The following ABCA1 variants were observed in gnomAD, a reference collection of about 807,000 sequenced individuals.
The protein encoded by ABCA1 is phospholipid-transporting ATPase ABCA1.
In ABCA1, 133 loss-of-function variants were observed where a neutral mutation model predicts 262.5. That is an observed-to-expected ratio of 0.51 (90% CI 0.44 to 0.59). The LOEUF (loss-of-function observed/expected upper bound fraction) is 0.59, where lower values mean the gene tolerates loss of function less well. ABCA1 is among the 20% of genes least tolerant of loss of function. The pLI, the probability that ABCA1 is intolerant of heterozygous loss-of-function variation, is 0.00. For missense variants in ABCA1, 2,452 were observed against 2,777.5 expected, an observed-to-expected ratio of 0.88 and a Z score of 2.63; for synonymous variants, 1,022 against 1,043.5, an observed-to-expected ratio of 0.98 and a Z score of 0.40.
chr9:104,809,423 C>T (rs776415595), intron 30 of ABCA1, 43 bp downstream of exon 30: 1 of 1,576,210 alleles, frequency 6.3e-7, no homozygotes, highest in Admixed American at 1.7e-5. Context: ...TCAAACCAGG[C>T]AACAAGCACA....
At chr9:104,896,265 T>C (rs1588537604) in intron 2 of ABCA1, among the ~76,000 whole-genome samples, 1 of 152,088 alleles carries the variant, frequency 6.6e-6, no homozygotes, top group Non-Finnish European at 1.5e-5. Flanking sequence ...GAGAATACTA[T>C]CCACAGTGAG....
At position 104,903,764 on chromosome 9, in the gene ABCA1, GT is replaced by G; in HGVS notation, c.-86del. ...GCTCACAGCAGGGACGCCGTGGCTG[GT>G]CATTAACTGAAAGATAAAGCAGGAG... On this transcript the variant is annotated 5_prime_UTR_variant, in exon 2 of 50. It introduces an in-frame stop codon into an upstream open reading frame of the 5' UTR. Transcript: ENST00000374736. 1 of 1,261,782 alleles carries G rather than the reference GT, an allele frequency of 7.9e-7. No individual in the cohort carries two copies. The highest frequency in any genetic ancestry group is 1.3e-5 in the South Asian group (1 of 78,082). The allele number at this position is 1,261,782 out of a possible 1,614,324, so 78.2% of individuals were successfully genotyped here.
intron 1 of ABCA1, among the ~76,000 whole-genome samples, chr9:104,927,249 G>A (rs1826422955): frequency 6.6e-6 from 1 of 151,358 alleles, no homozygotes; most frequent in South Asian, 2.1e-4. Flanking sequence ...AAACTCGTCC[G>A]CGCTCTGCGC....
At chr9:104,899,214 G>T (rs1840460990) in intron 2 of ABCA1, among the ~76,000 whole-genome samples, 1 of 152,192 alleles carries the variant, frequency 6.6e-6, no homozygotes, top group Non-Finnish European at 1.5e-5. Flanking sequence ...GCCAAGCTGG[G>T]ATTGGAATCA....
intron 6 of ABCA1, among the ~76,000 whole-genome samples, chr9:104,860,053 C>CAAAAA (rs200596186): frequency 5.1e-4 from 32 of 62,728 alleles, no homozygotes; most frequent in African/African-American, 1.2e-3. Flanking sequence ...GACTCCAACT[C>CAAAAA]AAAAAAAAAA....
intron 7 of ABCA1, among the ~76,000 whole-genome samples, chr9:104,848,263 C>T (rs1835067037): frequency 6.6e-6 from 1 of 152,186 alleles, no homozygotes; most frequent in Admixed American, 6.5e-5. Context: ...CTGGGATTCA[C>T]TAACACTGTG....
chr9:104,789,766 G>GA (rs1402385032), intron 44 of ABCA1, among the ~76,000 whole-genome samples: 4 of 143,784 alleles, frequency 2.8e-5, no homozygotes, highest in Non-Finnish European at 4.5e-5. Context: ...AAAAAACTCT[G>GA]AAAGCCACTG....
At chr9:104,904,156 C>A (rs1588560494) in intron 1 of ABCA1, among the ~76,000 whole-genome samples, 1 of 152,220 alleles carries the variant, frequency 6.6e-6, no homozygotes, top group Non-Finnish European at 1.5e-5. Context: ...CCTCCCCTTA[C>A]ATACAAAGTC....
At chr9:104,911,790 G>A (rs1297651008) in intron 1 of ABCA1, among the ~76,000 whole-genome samples, 1 of 152,116 alleles carries the variant, frequency 6.6e-6, no homozygotes, top group Non-Finnish European at 1.5e-5. Flanking sequence ...TATTTTTAAA[G>A]GCAACATTTT....
At chr9:104,827,216 G>A (rs753001695) in intron 15 of ABCA1, 47 bp from the exon 16 acceptor site, 1 of 1,488,396 alleles carries the variant, frequency 6.7e-7, no homozygotes, top group East Asian at 2.3e-5. Context: ...ACAATCCCAA[G>A]CACTCACTTG....
chr9:104,851,070 A>C (rs998003361), intron 7 of ABCA1, among the ~76,000 whole-genome samples: 6 of 152,196 alleles, frequency 3.9e-5, no homozygotes, highest in Non-Finnish European at 5.9e-5. Context: ...AAAATGTGTT[A>C]ATCACAACAT....
chr9:104,811,208 A>T (rs914686387), intron 28 of ABCA1, among the ~76,000 whole-genome samples: 4 of 152,254 alleles, frequency 2.6e-5, no homozygotes, highest in African/African-American at 9.6e-5. Context: ...TAGTGCTCAC[A>T]TTCAGGGTGA....
intron 5 of ABCA1, among the ~76,000 whole-genome samples, chr9:104,872,993 C>A (rs554067519): frequency 6.6e-6 from 1 of 152,064 alleles, no homozygotes; most frequent in African/African-American, 2.4e-5. Flanking sequence ...CAGCGTTGCT[C>A]CCCACCCCCA....
chr9:104,848,446 CT>C (rs1835083726), intron 7 of ABCA1, among the ~76,000 whole-genome samples: 1 of 152,048 alleles, frequency 6.6e-6, no homozygotes, highest in African/African-American at 2.4e-5. Context: ...GAAACCCCCT[CT>C]CTACTAAAAG....
chr9:104,825,296 G>T (rs949182742), intron 17 of ABCA1, among the ~76,000 whole-genome samples: 1 of 152,180 alleles, frequency 6.6e-6, no homozygotes, highest in Non-Finnish European at 1.5e-5. Flanking sequence ...CAGTGTAACC[G>T]AAGTGGATTC....
chr9:104,820,334 GT>G (rs1832209665), intron 20 of ABCA1, among the ~76,000 whole-genome samples: 2 of 152,212 alleles, frequency 1.3e-5, no homozygotes, highest in East Asian at 3.9e-4. Flanking sequence ...GCACCAGGCA[GT>G]TACAACTTTC....
chr9:104,918,168 G>T (rs1467046067), intron 1 of ABCA1, among the ~76,000 whole-genome samples: 1 of 152,128 alleles, frequency 6.6e-6, no homozygotes, highest in Admixed American at 6.5e-5. Flanking sequence ...AGTAGGTGAG[G>T]AATATGAGCA....
At chr9:104,834,113 A>G (rs950509159) in intron 11 of ABCA1, among the ~76,000 whole-genome samples, 1 of 149,828 alleles carries the variant, frequency 6.7e-6, no homozygotes, top group Non-Finnish European at 1.5e-5. Context: ...GCGCCTTTGT[A>G]TTTATTATTT....
chr9:104,881,859 A>G (rs1364313071), intron 5 of ABCA1, among the ~76,000 whole-genome samples: 1 of 151,976 alleles, frequency 6.6e-6, no homozygotes, highest in Non-Finnish European at 1.5e-5. Context: ...CTGGCTGCAC[A>G]GCCAGGAGTT....
Sources: gnomAD v4.1 joint callset for allele counts (sites outside exome capture counted in the v4.1 genomes callset) on GRCh38, gnomAD v4.1.1 for gene constraint, MANE v1.5 for transcripts, NCBI Gene and HGNC (gene_info 2026-07-23, HGNC 2026-07-21) for gene names.